The following DCAF17 variants were observed in gnomAD, a reference collection of about 807,000 sequenced individuals.
DCAF17 encodes the protein DDB1- and CUL4-associated factor 17.
Under a neutral mutation model 66.0 loss-of-function variants are expected in DCAF17, and 48 were observed. The observed-to-expected ratio is 0.73, with a 90% CI of 0.58 to 0.92. The LOEUF (loss-of-function observed/expected upper bound fraction) is 0.92, where lower values mean the gene tolerates loss of function less well. Ranked by LOEUF, DCAF17 falls within the 40% of genes least tolerant of loss-of-function variation. The pLI is 0.00. For missense variants in DCAF17, 562 were observed against 622.8 expected (o/e 0.90, Z 1.04); for synonymous variants, 206 against 214.6 (o/e 0.96, Z 0.35).
chr2:171,451,467 A>AGTG (rs1380327566), intron 5 of DCAF17, among the ~76,000 whole-genome samples: 5 of 152,192 alleles, frequency 3.3e-5, no homozygotes, highest in African/African-American at 1.2e-4. Flanking sequence ...AATTCAGAAA[A>AGTG]GTGGGATAGT....
chr2:171,443,187 C>A (rs760582684), intron 2 of DCAF17: 19 of 173,546 alleles, frequency 1.1e-4, no homozygotes, highest in Non-Finnish European at 2.0e-4. Context: ...CAGAGATATT[C>A]TTAGTAAATG....
chr2:171,451,068 C>G (rs1694925254), intron 5 of DCAF17, among the ~76,000 whole-genome samples: 1 of 151,682 alleles, frequency 6.6e-6, no homozygotes, highest in South Asian at 2.1e-4. Context: ...TTAAGTAGTT[C>G]CTTTAATTTT....
intron 2 of DCAF17, among the ~76,000 whole-genome samples, chr2:171,435,634 A>G (rs1693851351): frequency 1.3e-5 from 2 of 151,798 alleles, no homozygotes; most frequent in Non-Finnish European, 2.9e-5. Context: ...CTCATCCACA[A>G]CTGTCCAACA....
intron 2 of DCAF17, among the ~76,000 whole-genome samples, chr2:171,437,825 T>G (rs988644056): frequency 3.9e-5 from 6 of 152,192 alleles, no homozygotes; most frequent in African/African-American, 1.4e-4. Context: ...AGCTTTTGGT[T>G]TTGTTGATTT....
chr2:171,473,846 A>T lies in DCAF17; in HGVS notation c.982-20A>T. On this transcript the variant is annotated intron_variant, in intron 9 of 13. Transcript: ENST00000375255. ...GATTTTCCCTTAATCTTTGTCTTTAATACTTTTTTCCAACTTCAGGCAAAA... is the reference window on the plus strand; with the variant it reads ...GATTTTCCCTTAATCTTTGTCTTTATTACTTTTTTCCAACTTCAGGCAAAA... 1.3e-6 allele frequency: 2 copies of T among 1,581,256 alleles called. No individual in the cohort carries two copies. Among genetic ancestry groups the T allele is most frequent in the South Asian group, 2.2e-5 (2 of 90,006 alleles).
chr2:171,450,026 T>C lies in DCAF17; in HGVS notation c.537+69T>C, dbSNP rs537583175. 7.3e-5 allele frequency: 96 copies of C among 1,306,972 alleles called. 1 individual carries two copies. In the South Asian group the frequency reaches 9.8e-4, roughly 13 times the overall value. The allele number at this position is 1,306,972 out of a possible 1,614,324, so 81.0% of individuals were successfully genotyped here. ...TAGGAATTTGTCTGCAGATTTGTTA[T>C]GAAAAATCTAATGATCTTTTATTTC... On this transcript the variant is annotated intron_variant, in intron 5 of 13. Coordinates refer to ENST00000375255, the MANE Select transcript of DCAF17 (RefSeq NM_025000.4).
Position 171,456,819 on chromosome 2 carries a change from CA to C in DCAF17, c.628-1151del, listed in dbSNP as rs1695287119. The stretch of plus-strand genomic sequence containing the variant: ...TGTATAGGAATGCTAGCAATTTTTG[CA>C]TATTGATTTTGTATCCTGAGACTTT... On this transcript the variant is annotated intron_variant, in intron 6 of 13. Coordinates refer to ENST00000375255, the MANE Select transcript of DCAF17 (RefSeq NM_025000.4). Among the ~76,000 whole-genome samples, 4 of 152,270 alleles carry C rather than the reference CA, an allele frequency of 2.6e-5. No individual in the cohort carries two copies. In the South Asian group the frequency reaches 6.2e-4, roughly 24 times the overall value.
chr2:171,483,751 A>G lies in DCAF17; in HGVS notation c.*2637A>G, dbSNP rs1396040103. On this transcript the variant is annotated 3_prime_UTR_variant, in exon 14 of 14. Transcript: ENST00000375255. ...CTCATTTAATATTCAGAATAACCAC[A>G]TGAAGTATGAACTGCCATTATCTTT... 6.6e-6 allele frequency: 3 copies of G among 454,096 alleles called. No individual in the cohort carries two copies. The highest frequency in any genetic ancestry group is 4.7e-5 in the South Asian group (3 of 64,478). The allele number at this position is 454,096 out of a possible 1,614,324, so 28.1% of individuals were successfully genotyped here.
chr2:171,473,902 C>G lies in DCAF17; in HGVS notation c.1018C>G (p.Leu340Val), dbSNP rs1294178691. 1.4e-5 allele frequency: 23 copies of G among 1,613,704 alleles called. No homozygotes were observed. The highest frequency in any genetic ancestry group is 4.0e-5 in the African/African-American group (3 of 74,908). ...GATCCAAGAAATGGATTGTTGTTCT[C>G]TAGAATCTGACTGGATCTATTTCCA... The part of the protein sequence containing the change: ...NGIQEMDCCS[L>V]ESDWIYFHPD... The change falls in exon 10 of 14, where the codon CTA (leucine) becomes GTA (valine). Residue 340 changes from leucine (L) to valine (V), a missense_variant. Leu to Val is a conservative substitution (Grantham distance 32). Transcript: ENST00000375255.
intron 8 of DCAF17, among the ~76,000 whole-genome samples, chr2:171,463,779 TGCTTTTACCTTCAATA>T (rs201242074): frequency 0.017 from 2,618 of 152,360 alleles, 26 homozygotes; most frequent in Non-Finnish European, 0.028. Flanking sequence ...ACTCTGTTAC[TGCTTTTACCTTCAATA>T]GCTGGCATTT....
chr2:171,483,417 G>A lies in DCAF17; in HGVS notation c.*2303G>A, dbSNP rs186143382. ...GGTACAGACGTTACGCTGAAAAGAG[G>A]TGCATTCTGCATTGCACTCCTGGAT... On this transcript the variant is annotated 3_prime_UTR_variant, in exon 14 of 14. Coordinates refer to ENST00000375255, the MANE Select transcript of DCAF17 (RefSeq NM_025000.4). The A allele has an allele frequency of 2.1e-3, 969 of 454,112 alleles. 3 individuals carry two copies. The highest frequency in any genetic ancestry group is 3.3e-3 in the Non-Finnish European group (749 of 226,792). The allele number at this position is 454,112 out of a possible 1,614,324, so 28.1% of individuals were successfully genotyped here. A position where few individuals can be genotyped will look rare whatever the true frequency, so the allele number is the denominator to read the frequency against.
intron 3 of DCAF17, among the ~76,000 whole-genome samples, chr2:171,444,237 A>T (rs1056288510): frequency 6.6e-6 from 1 of 152,150 alleles, no homozygotes; most frequent in Admixed American, 6.5e-5. Flanking sequence ...AATAATACTA[A>T]TAGGTATGAT....
intron 8 of DCAF17, among the ~76,000 whole-genome samples, chr2:171,459,969 A>T (rs990996768): frequency 1.3e-5 from 2 of 152,164 alleles, no homozygotes; most frequent in African/African-American, 4.8e-5. Context: ...TTATTTTGAA[A>T]TGGGTTATTT....
At chr2:171,463,195 A>C (rs1695689779) in intron 8 of DCAF17, among the ~76,000 whole-genome samples, 1 of 150,162 alleles carries the variant, frequency 6.7e-6, no homozygotes. Flanking sequence ...GCGCCACTGC[A>C]CTCCAGCCTG....
At chr2:171,476,149 C>CT (rs112721895) in intron 10 of DCAF17, among the ~76,000 whole-genome samples, 94 of 146,736 alleles carry the variant, frequency 6.4e-4, no homozygotes, top group Middle Eastern at 3.5e-3. Flanking sequence ...CTCTGCTGTT[C>CT]TTTTTTTTTT....
intron 5 of DCAF17, among the ~76,000 whole-genome samples, chr2:171,452,643 G>T (rs77509790): frequency 6.6e-6 from 1 of 152,058 alleles, no homozygotes; most frequent in Non-Finnish European, 1.5e-5. Context: ...TTGTATAAAC[G>T]AGGTCTCACT....
In DCAF17 at chr2:171,483,504, A is replaced by G. The variant is rs1456988131; in HGVS notation, c.*2390A>G. ...GCTTATTGTTCCTCAATTTTTTACA[A>G]TATTTATCACAACTCTGGGAGAAAA... On this transcript the variant is annotated 3_prime_UTR_variant, in exon 14 of 14. Transcript: ENST00000375255. 2 of 453,978 alleles carry G rather than the reference A, an allele frequency of 4.4e-6. No homozygotes were observed. The highest frequency in any genetic ancestry group is 2.4e-5 in the Admixed American group (1 of 42,546). The allele number at this position is 453,978 out of a possible 1,614,324, so 28.1% of individuals were successfully genotyped here.
In DCAF17 at chr2:171,443,518, C is replaced by G; in HGVS notation, c.231-5C>G. The G allele has an allele frequency of 1.2e-6, 2 of 1,608,274 alleles. No homozygotes were observed. Among genetic ancestry groups the G allele is most frequent in the Non-Finnish European group, 1.7e-6 (2 of 1,176,252 alleles). ...TAATAATCATTTATTTTTCTTTTTTCCCAGTGTTGCATCTGAGCCAAGAAA... is the reference window on the plus strand; with the variant it reads ...TAATAATCATTTATTTTTCTTTTTTGCCAGTGTTGCATCTGAGCCAAGAAA... On this transcript the variant is annotated splice_polypyrimidine_tract_variant and splice_region_variant and intron_variant, in intron 2 of 13. Transcript: ENST00000375255.
chr2:171,470,479 G>C (rs1166626665), intron 9 of DCAF17, among the ~76,000 whole-genome samples: 1 of 152,120 alleles, frequency 6.6e-6, no homozygotes, highest in Non-Finnish European at 1.5e-5. Context: ...GCCATCAGGG[G>C]ACAATGTGTC....
Sources: allele counts gnomAD v4.1 joint callset (sites outside exome capture counted in the v4.1 genomes callset), GRCh38; gene constraint gnomAD v4.1.1; transcripts MANE v1.5; gene names NCBI Gene and HGNC (gene_info 2026-07-23, HGNC 2026-07-21).